Variants in KIAA0232 observed in about 807,000 individuals in gnomAD.
KIAA0232 encodes KIAA0232.
A neutral mutation model predicts 122.0 loss-of-function variants in KIAA0232; 27 were observed. That is an observed-to-expected ratio of 0.22 (90% CI 0.16 to 0.31). The LOEUF (loss-of-function observed/expected upper bound fraction) is 0.31. KIAA0232 is among the 10% of genes least tolerant of loss of function. KIAA0232 has a pLI of 1.00. For missense variants in KIAA0232, 1,551 were observed against 1,634.2 expected (o/e 0.95, Z 0.88); for synonymous variants, 613 against 587.6 (o/e 1.04, Z -0.63).
In KIAA0232 at chr4:6,862,183, G is replaced by A. The variant is rs2108800018; in HGVS notation, c.1801G>A (p.Ala601Thr). ...WECCSSSSGDADGESFGGDSP... is the reference protein window; with the variant it reads ...WECCSSSSGDTDGESFGGDSP... The stretch of plus-strand genomic sequence containing the variant: ...GTGCTGTTCATCCAGCTCCGGTGAT[G>A]CTGATGGGGAGAGTTTTGGAGGAGA... Residue 601 changes from alanine (A) to threonine (T), a missense_variant, in exon 7 of 10, where the codon GCT (alanine) becomes ACT (threonine). By Grantham distance (58) the Ala-to-Thr change is moderately conservative. This residue lies in a region of KIAA0232 where 1,108 missense variants were observed against 1,154.8 expected (regional missense o/e 0.96). Transcript: ENST00000307659. 6.2e-7 allele frequency: 1 copy of A among 1,614,178 alleles called. No homozygotes were observed. The highest frequency in any genetic ancestry group is 2.2e-5 in the East Asian group (1 of 44,884).
chr4:6,789,589 C>G (rs1716795214), intron 1 of KIAA0232, among the ~76,000 whole-genome samples: 1 of 152,138 alleles, frequency 6.6e-6, no homozygotes, highest in Non-Finnish European at 1.5e-5. Context: ...TCATTTTCAA[C>G]TTGCATCTAC....
intron 4 of KIAA0232, among the ~76,000 whole-genome samples, chr4:6,852,487 T>A (rs1338518286): frequency 1.3e-5 from 2 of 152,192 alleles, no homozygotes; most frequent in South Asian, 2.1e-4. Context: ...CAGTAGTCAT[T>A]CTATCAGTAT....
At chr4:6,824,787 G>C in intron 3 of KIAA0232, 103 bp downstream of exon 3, 1 of 960,674 alleles carries the variant, frequency 1.0e-6, no homozygotes, top group Non-Finnish European at 1.6e-6. Flanking sequence ...CTATTCATGT[G>C]TGTGTGCAAA....
Position 6,862,872 on chromosome 4 carries a change from A to C in KIAA0232, c.2490A>C (p.Thr830=), listed in dbSNP as rs1241905771. The change falls in exon 7 of 10, where the codon ACA becomes ACC. Residue 830 remains threonine (T), a synonymous_variant. Coordinates refer to ENST00000307659, the MANE Select transcript of KIAA0232 (RefSeq NM_014743.3). ...YSSGVIKDIW[T]KMADTNSVAT... is the part of the protein sequence containing the mutation. ...CAGGGGTTATTAAAGACATTTGGACAAAGATGGCAGACACAAATTCTGTGG... is the reference window on the plus strand; with the variant it reads ...CAGGGGTTATTAAAGACATTTGGACCAAGATGGCAGACACAAATTCTGTGG... The C allele has an allele frequency of 1.2e-6, 2 of 1,614,130 alleles. No homozygotes were observed. The highest frequency in any genetic ancestry group is 1.7e-6 in the Non-Finnish European group (2 of 1,180,040).
At position 6,783,668 on chromosome 4, in the gene KIAA0232, C is replaced by T. The variant is rs535677542; in HGVS notation, c.-354+827C>T. On this transcript the variant is annotated intron_variant, in intron 1 of 9. Transcript: ENST00000307659. ...CGGGAGGCCGGCTGAGCGACTGGCG[C>T]GCCGGCCTATGGCGCGGGGCGCGGC... is the stretch of plus-strand genomic sequence containing the variant. Among the ~76,000 whole-genome samples the T allele has an allele frequency of 2.8e-4, 42 of 150,156 alleles. No homozygotes were observed. In the South Asian group the frequency reaches 8.4e-3, roughly 30 times the overall value.
At chr4:6,805,611 T>C (rs561967005) in intron 2 of KIAA0232, among the ~76,000 whole-genome samples, 1 of 152,252 alleles carries the variant, frequency 6.6e-6, no homozygotes, top group Admixed American at 6.5e-5. Context: ...GGTTTTGAGT[T>C]TAGTAATTGA....
intron 4 of KIAA0232, among the ~76,000 whole-genome samples, chr4:6,844,608 G>A (rs1192796096): frequency 6.6e-6 from 1 of 151,894 alleles, no homozygotes; most frequent in Non-Finnish European, 1.5e-5. Flanking sequence ...GCTAATTTTT[G>A]TATTTTTAGT....
chr4:6,785,364 G>C (rs1235824872), intron 1 of KIAA0232, among the ~76,000 whole-genome samples: 2 of 152,188 alleles, frequency 1.3e-5, no homozygotes, highest in African/African-American at 4.8e-5. Context: ...TTTTCATTGT[G>C]TGGAAAAGTG....
chr4:6,830,403 C>CTTTTTTTTTTTT, intron 3 of KIAA0232, among the ~76,000 whole-genome samples: 1 of 75,546 alleles, frequency 1.3e-5, no homozygotes. Context: ...TCTCTGTTGT[C>CTTTTTTTTTTTT]TTTTTTTTTT....
intron 8 of KIAA0232, 149 bp from the exon 9 acceptor site, chr4:6,876,511 A>T: frequency 1.8e-6 from 1 of 560,968 alleles, no homozygotes; most frequent in Non-Finnish European, 3.2e-6. Flanking sequence ...CTGTGCTTTT[A>T]GTGACGACTT....
intron 1 of KIAA0232, among the ~76,000 whole-genome samples, chr4:6,801,765 A>G (rs1472456356): frequency 6.6e-6 from 1 of 152,210 alleles, no homozygotes; most frequent in Non-Finnish European, 1.5e-5. Context: ...TGTAGAACAT[A>G]GGGTTTTCAT....
intron 1 of KIAA0232, among the ~76,000 whole-genome samples, chr4:6,783,113 C>T (rs1388286994): frequency 6.6e-6 from 1 of 151,038 alleles, no homozygotes; most frequent in East Asian, 2.0e-4. Context: ...CGGGGCCAGC[C>T]TGAGGGAGGC....
chr4:6,812,941 T>TTTATTACAAATTATTA (rs1311117172), intron 2 of KIAA0232, among the ~76,000 whole-genome samples: 2 of 152,184 alleles, frequency 1.3e-5, no homozygotes, highest in Admixed American at 1.3e-4. Context: ...CCTAAAATTA[T>TTTATTACAAATTATTA]TTACAGTGTA....
intron 3 of KIAA0232, among the ~76,000 whole-genome samples, chr4:6,836,934 C>T (rs1031109587): frequency 6.6e-6 from 1 of 152,190 alleles, no homozygotes; most frequent in Non-Finnish European, 1.5e-5. Flanking sequence ...ATGGAGTCTC[C>T]TGTCTATTTC....
Position 6,881,868 on chromosome 4 carries a change from G to A in KIAA0232, c.*902G>A, listed in dbSNP as rs1265427757. ...TGTGAACATTTGACATGCAGTAAAG[G>A]CCACCTCATCACCCAGAGAAATCTT... On this transcript the variant is annotated 3_prime_UTR_variant, in exon 10 of 10. Coordinates refer to ENST00000307659, the MANE Select transcript of KIAA0232 (RefSeq NM_014743.3). 1 of 152,662 alleles carries A rather than the reference G, an allele frequency of 6.6e-6. No homozygotes were observed. The highest frequency in any genetic ancestry group is 1.5e-5 in the Non-Finnish European group (1 of 68,048). 9.5% of individuals were successfully genotyped at this position (152,662 alleles called of 1,614,324 possible).
chr4:6,821,073 A>G (rs969076926), intron 2 of KIAA0232, among the ~76,000 whole-genome samples: 1 of 152,224 alleles, frequency 6.6e-6, no homozygotes, highest in Non-Finnish European at 1.5e-5. Flanking sequence ...TCTTAATACC[A>G]TCACAATGGC....
intron 3 of KIAA0232, among the ~76,000 whole-genome samples, chr4:6,825,292 T>TA (rs1292799011): frequency 5.9e-5 from 9 of 151,858 alleles, no homozygotes; most frequent in African/African-American, 9.6e-5. Flanking sequence ...GGTTCACACT[T>TA]AGAGTCCCAA....
chr4:6,858,546 T>C (rs1187573915), intron 6 of KIAA0232, 40 bp downstream of exon 6: 1 of 1,294,296 alleles, frequency 7.7e-7, no homozygotes, highest in Non-Finnish European at 1.1e-6. Context: ...GTGCATTTGT[T>C]AAAATCAGAT....
At chr4:6,827,194 A>G (rs1000951956) in intron 3 of KIAA0232, among the ~76,000 whole-genome samples, 1 of 152,232 alleles carries the variant, frequency 6.6e-6, no homozygotes, top group African/African-American at 2.4e-5. Flanking sequence ...TTTTAGTAAG[A>G]CATGACTTGA....
Sources: gnomAD v4.1 joint callset for allele counts (sites outside exome capture counted in the v4.1 genomes callset) on GRCh38, gnomAD v4.1.1 for gene constraint, gnomAD v4.1.1 regional missense constraint, MANE v1.5 for transcripts, NCBI Gene and HGNC (gene_info 2026-07-23, HGNC 2026-07-21) for gene names.